Variants in TASOR observed in about 807,000 individuals in gnomAD.
TASOR encodes transcription activation suppressor.
In TASOR, 53 loss-of-function variants were observed where a neutral mutation model predicts 178.6. The ratio of observed to expected loss-of-function variants is 0.30; its 90% CI spans 0.24 to 0.37. The LOEUF is 0.37. TASOR is among the 10% of genes least tolerant of loss of function. TASOR has a pLI of 1.00. For missense variants in TASOR, 1,815 were observed against 1,971.4 expected (o/e 0.92, Z 1.50); for synonymous variants, 713 against 696.2 (o/e 1.02, Z -0.38).
At chr3:56,653,377 G>C (rs2077397993) in intron 11 of TASOR, among the ~76,000 whole-genome samples, 1 of 147,772 alleles carries the variant, frequency 6.8e-6, no homozygotes, top group Non-Finnish European at 1.5e-5. Flanking sequence ...CCACAGATAT[G>C]AAAGGAAAAG....
In TASOR at chr3:56,625,715, C is replaced by T. The variant is rs184105724; in HGVS notation, c.4140-709G>A. ...CTTTTTTTTTTTTGAGACAGAGTCT[C>T]ACTCTGTCGCCGATTCTCCTGCCTC... On this transcript the variant is annotated intron_variant, in intron 21 of 23. Transcript: ENST00000683822. Among the ~76,000 whole-genome samples the T allele has an allele frequency of 7.5e-4, 114 of 151,802 alleles. 1 individual carries two copies. In the East Asian group the frequency reaches 0.012, roughly 16 times the overall value.
intron 11 of TASOR, among the ~76,000 whole-genome samples, chr3:56,651,896 T>C (rs1249732985): frequency 6.6e-6 from 1 of 152,188 alleles, no homozygotes; most frequent in African/African-American, 2.4e-5. Flanking sequence ...TTTACGCTAA[T>C]GTTCATAGCA....
intron 11 of TASOR, among the ~76,000 whole-genome samples, chr3:56,650,984 C>T (rs549397597): frequency 1.6e-4 from 25 of 152,118 alleles, no homozygotes; most frequent in Non-Finnish European, 2.9e-4. Flanking sequence ...TGCTCACTGA[C>T]GAAAACCAAT....
At chr3:56,655,686 T>G (rs6445811) in intron 11 of TASOR, among the ~76,000 whole-genome samples, 28,176 of 152,056 alleles carry the variant, frequency 0.19, 3,447 homozygotes, top group South Asian at 0.41. Flanking sequence ...CCCAGGAGGC[T>G]GAGGTGGGAG....
At chr3:56,679,935 C>T (rs953116289) in intron 1 of TASOR, among the ~76,000 whole-genome samples, 3 of 152,062 alleles carry the variant, frequency 2.0e-5, no homozygotes, top group Non-Finnish European at 2.9e-5. Flanking sequence ...CAGTCAAAGA[C>T]GCACTTAGTA....
chr3:56,638,891 C>A, intron 16 of TASOR, 126 bp from the exon 17 acceptor site: 1 of 868,970 alleles, frequency 1.2e-6, no homozygotes, highest in Non-Finnish European at 1.9e-6. Flanking sequence ...TCTGAAGGGT[C>A]ATACTGGTGA....
intron 1 of TASOR, among the ~76,000 whole-genome samples, chr3:56,673,978 G>A (rs886894590): frequency 6.6e-6 from 1 of 152,006 alleles, no homozygotes; most frequent in African/African-American, 2.4e-5. Flanking sequence ...GTGCAATTTT[G>A]CAAACCTTAG....
At chr3:56,669,613 A>T in intron 5 of TASOR, 87 bp downstream of exon 5, 1 of 799,780 alleles carries the variant, frequency 1.3e-6, no homozygotes, top group Non-Finnish European at 2.0e-6. Flanking sequence ...GAACTTTTAA[A>T]CAATCTCCTA....
chr3:56,639,999 C>T lies in TASOR; in HGVS notation c.2751G>A (p.Leu917=), dbSNP rs139950016. The T allele has an allele frequency of 2.9e-5, 47 of 1,603,868 alleles. No homozygotes were observed. The African/African-American group carries it at 3.5e-4, about 12-fold the overall frequency. ...NVEETEIHWK[L]IPITGGNARS... Reference sequence around the variant, plus strand: ...TACTTTTCTTACCTGTAATTGGAATCAGTTTCCAATGTATTTCAGTCTCTT... The same window carrying T: ...TACTTTTCTTACCTGTAATTGGAATTAGTTTCCAATGTATTTCAGTCTCTT... Residue 917 remains leucine, a synonymous_variant, in exon 16 of 24, where the codon CTG becomes CTA. Coordinates refer to ENST00000683822, the MANE Select transcript of TASOR (RefSeq NM_001365635.2).
chr3:56,669,607 T>G, intron 5 of TASOR, 93 bp downstream of exon 5: 3 of 771,748 alleles, frequency 3.9e-6, no homozygotes, highest in Non-Finnish European at 6.2e-6. Flanking sequence ...AAGCATGAAC[T>G]TTTAAACAAT....
In TASOR at chr3:56,638,676, T is replaced by C. The variant is rs1217269135; in HGVS notation, c.2824+30A>G. On this transcript the variant is annotated intron_variant, in intron 17 of 23. Transcript: ENST00000683822. ...GTAGCAACTCTGAAGAAGGGCACAC[T>C]GGGAAGAAAAGCAAAGCAAGCCTTC... 1 of 1,613,094 alleles carries C rather than the reference T, an allele frequency of 6.2e-7. No homozygotes were observed. Among genetic ancestry groups the C allele is most frequent in the African/African-American group, 1.3e-5 (1 of 74,914 alleles).
At chr3:56,673,766 T>G in intron 1 of TASOR, 41 bp from the exon 2 acceptor site, 1 of 1,480,176 alleles carries the variant, frequency 6.8e-7, no homozygotes, top group Non-Finnish European at 9.1e-7. Context: ...TTAACATTAC[T>G]CCATCTTAAA....
At chr3:56,651,565 C>T (rs555515465) in intron 11 of TASOR, among the ~76,000 whole-genome samples, 27 of 152,032 alleles carry the variant, frequency 1.8e-4, no homozygotes, top group African/African-American at 6.3e-4. Context: ...TCATGTGTGG[C>T]GTCATATGCC....
chr3:56,666,440 T>A, intron 6 of TASOR, 56 bp from the exon 7 acceptor site: 1 of 1,298,264 alleles, frequency 7.7e-7, no homozygotes, highest in Non-Finnish European at 1.0e-6. Flanking sequence ...TGAAACCTTA[T>A]ATTTAACTGC....
In TASOR at chr3:56,668,904, C is replaced by T. The variant is rs189235105; in HGVS notation, c.736-346G>A. Among the ~76,000 whole-genome samples, 1,396 of 152,216 alleles carry T rather than the reference C, an allele frequency of 9.2e-3. 23 individuals carry two copies. The highest frequency in any genetic ancestry group is 0.031 in the African/African-American group (1,304 of 41,528). ...GGCAGAACTGCTTGAACCTGGGAGG[C>T]GGAGGTTGCAGTGAGCCAAGATTGT... On this transcript the variant is annotated intron_variant, in intron 5 of 23. Coordinates refer to ENST00000683822, the MANE Select transcript of TASOR (RefSeq NM_001365635.2).
At position 56,682,754 on chromosome 3, in the gene TASOR, G is replaced by GGGCGGC. The variant is rs2031919837; in HGVS notation, c.247_252dup (p.Ala83_Ala84dup). ...TCGGGCTCTTCGGGGCCTCTGGGCA[G>GGGCGGC]GGCGGCCGCGCCCGCCTCAGAGGAG... On this transcript the variant is annotated inframe_insertion, in exon 1 of 24. Transcript: ENST00000683822. 3 of 1,538,502 alleles carry GGGCGGC rather than the reference G, an allele frequency of 1.9e-6. No individual in the cohort carries two copies. In the Admixed American group the frequency reaches 6.2e-5, roughly 32 times the overall value.
chr3:56,651,309 A>T (rs28605592), intron 11 of TASOR, among the ~76,000 whole-genome samples: 2,127 of 152,188 alleles, frequency 0.014, 47 homozygotes, highest in African/African-American at 0.047. Flanking sequence ...TGGGGTTTTT[A>T]AATTAGTTTA....
At chr3:56,664,498 A>C (rs1346327737) in intron 7 of TASOR, among the ~76,000 whole-genome samples, 1 of 152,208 alleles carries the variant, frequency 6.6e-6, no homozygotes, top group East Asian at 1.9e-4. Context: ...CTGTGGCTAT[A>C]GATGGTTTCC....
chr3:56,678,544 TCAAA>T (rs2031525868), intron 1 of TASOR, among the ~76,000 whole-genome samples: 1 of 152,172 alleles, frequency 6.6e-6, no homozygotes, highest in Admixed American at 6.5e-5. Flanking sequence ...ATTTAGGTCA[TCAAA>T]CAGCTTTGTT....
Sources: gnomAD v4.1 joint callset for allele counts (sites outside exome capture counted in the v4.1 genomes callset) on GRCh38, gnomAD v4.1.1 for gene constraint, MANE v1.5 for transcripts, NCBI Gene and HGNC (gene_info 2026-07-23, HGNC 2026-07-21) for gene names.